Variants in ASPRV1 observed in about 807,000 individuals in gnomAD.
ASPRV1 encodes the protein retroviral-like aspartic protease 1.
Under a neutral mutation model 11.0 loss-of-function variants are expected in ASPRV1, and 7 were observed. That is an observed-to-expected ratio of 0.64 (90% CI 0.36 to 1.20). ASPRV1 has a LOEUF of 1.20. Ranked by LOEUF, ASPRV1 falls within the 50% of genes most tolerant of loss-of-function variation. ASPRV1 has a pLI of 0.02. For missense variants in ASPRV1, 299 were observed against 320.0 expected (o/e 0.93, Z 0.50); for synonymous variants, 136 against 138.4 (o/e 0.98, Z 0.12).
chr2:70,054,864 C>G, the ASPRV1 span, among the ~76,000 whole-genome samples: 4 of 152,232 alleles, frequency 2.6e-5, no homozygotes, highest in East Asian at 7.7e-4. Context: ...AAAAAAGAGT[C>G]TCCTCTTTGC....
chr2:70,087,197 C>T, the ASPRV1 span: 1 of 152,198 alleles, frequency 6.6e-6, no homozygotes, highest in Non-Finnish European at 1.5e-5. Context: ...ATCCCGCATA[C>T]ACAGCACTAG....
the ASPRV1 span, among the ~76,000 whole-genome samples, chr2:70,083,153 G>C: frequency 3.3e-5 from 5 of 152,176 alleles, no homozygotes; most frequent in African/African-American, 1.2e-4. Flanking sequence ...TGGCTAGAAA[G>C]CCTTTTGAGT....
chr2:69,938,748 A>G, the ASPRV1 span: 1 of 156,078 alleles, frequency 6.4e-6, no homozygotes, highest in African/African-American at 2.4e-5. Flanking sequence ...GTAAGCTTTG[A>G]AAGCAGCATT....
At chr2:69,951,648 C>G in the ASPRV1 span, among the ~76,000 whole-genome samples, 1 of 151,382 alleles carries the variant, frequency 6.6e-6, no homozygotes. Flanking sequence ...GCTTTTCCCG[C>G]AAGCCTCACT....
At chr2:69,993,090 G>A in the ASPRV1 span, among the ~76,000 whole-genome samples, 1 of 152,238 alleles carries the variant, frequency 6.6e-6, no homozygotes. Context: ...TGGGGACCAC[G>A]TGGCCAGGGA....
chr2:70,074,802 A>G, the ASPRV1 span, among the ~76,000 whole-genome samples: 1 of 150,638 alleles, frequency 6.6e-6, no homozygotes. Context: ...GACTACAAGC[A>G]GTAGAGTGCA....
At chr2:70,034,496 G>A in the ASPRV1 span, among the ~76,000 whole-genome samples, 7 of 152,052 alleles carry the variant, frequency 4.6e-5, no homozygotes, top group Middle Eastern at 3.4e-3. Context: ...ACTTGAACCC[G>A]GGAGGTGGAC....
At chr2:70,006,929 C>T in the ASPRV1 span, among the ~76,000 whole-genome samples, 4 of 151,944 alleles carry the variant, frequency 2.6e-5, no homozygotes, top group African/African-American at 9.7e-5. Flanking sequence ...TGGGTTGGGG[C>T]CTGGCTGCCT....
chr2:70,075,605 G>A, the ASPRV1 span, among the ~76,000 whole-genome samples: 1 of 152,114 alleles, frequency 6.6e-6, no homozygotes, highest in Non-Finnish European at 1.5e-5. Flanking sequence ...CCAGCACTTA[G>A]GGAGGCTGAG....
the ASPRV1 span, chr2:70,030,632 AAATGATCC>A: frequency 3.3e-4 from 51 of 152,302 alleles, no homozygotes; most frequent in African/African-American, 1.2e-3. Flanking sequence ...TTCTTCAATA[AAATGATCC>A]AATGAAAGTT....
the ASPRV1 span, among the ~76,000 whole-genome samples, chr2:69,933,067 C>T: frequency 6.6e-6 from 1 of 151,616 alleles, no homozygotes; most frequent in Non-Finnish European, 1.5e-5. Context: ...GACGTGGTGG[C>T]GGGCGCCTGT....
At chr2:70,039,936 G>A in the ASPRV1 span, among the ~76,000 whole-genome samples, 1 of 152,220 alleles carries the variant, frequency 6.6e-6, no homozygotes, top group Non-Finnish European at 1.5e-5. Context: ...ACGCCAGACA[G>A]TGATGCTCCT....
chr2:70,043,609 T>C, the ASPRV1 span, among the ~76,000 whole-genome samples: 13 of 152,364 alleles, frequency 8.5e-5, no homozygotes, highest in African/African-American at 2.9e-4. Flanking sequence ...GCATAGCTCA[T>C]TGGGAAATTG....
At chr2:70,080,725 A>G in the ASPRV1 span, among the ~76,000 whole-genome samples, 1 of 152,338 alleles carries the variant, frequency 6.6e-6, no homozygotes, top group Non-Finnish European at 1.5e-5. Context: ...TCTCAATAAT[A>G]TACACTAGTG....
the ASPRV1 span, chr2:70,051,423 T>C: frequency 1.3e-5 from 2 of 152,220 alleles, no homozygotes; most frequent in African/African-American, 4.8e-5. Context: ...GCTCCGTGAA[T>C]TGACATTTTA....
At chr2:70,029,418 A>T in the ASPRV1 span, among the ~76,000 whole-genome samples, 1 of 152,158 alleles carries the variant, frequency 6.6e-6, no homozygotes, top group African/African-American at 2.4e-5. Flanking sequence ...AGGTGGGTGG[A>T]TCACAAGCTC....
At chr2:70,042,930 T>C in the ASPRV1 span, among the ~76,000 whole-genome samples, 31 of 152,210 alleles carry the variant, frequency 2.0e-4, no homozygotes, top group African/African-American at 6.5e-4. Context: ...AGACTTAGAA[T>C]AGGAATATGG....
the ASPRV1 span, among the ~76,000 whole-genome samples, chr2:70,079,939 T>C: frequency 8.5e-5 from 13 of 152,244 alleles, no homozygotes; most frequent in Non-Finnish European, 1.9e-4. Context: ...TGAATAATGT[T>C]GAACAAATGC....
chr2:69,938,073 C>T, the ASPRV1 span: 7 of 1,608,832 alleles, frequency 4.4e-6, no homozygotes, highest in African/African-American at 1.3e-5. Flanking sequence ...TCATCAATGT[C>T]CTTCTCTCTT....
Sources: allele counts gnomAD v4.1 joint callset (sites outside exome capture counted in the v4.1 genomes callset), GRCh38; gene constraint gnomAD v4.1.1; transcripts MANE v1.5; gene names NCBI Gene and HGNC (gene_info 2026-07-23, HGNC 2026-07-21).